SERPINA11: variants seen among roughly 807,000 people sequenced by gnomAD.
SERPINA11 encodes the protein serpin family A member 11, also known as serpin A11.
In SERPINA11, 28 loss-of-function variants were observed where a neutral mutation model predicts 29.4. That is an observed-to-expected ratio of 0.95 (90% CI 0.70 to 1.30). The LOEUF is 1.30. Among genes scored for constraint, SERPINA11 ranks in the 50% most tolerant of loss-of-function variants. SERPINA11 has a pLI of 0.00. For synonymous variants in SERPINA11, 253 were observed against 206.6 expected (o/e 1.22, Z -1.92); for missense variants, 530 against 507.3 (o/e 1.04, Z -0.43).
In SERPINA11 at chr14:94,446,687, T is replaced by A. The variant is rs1483003143; in HGVS notation, c.644-83A>T. 3.6e-6 allele frequency: 5 copies of A among 1,392,816 alleles called. No homozygotes were observed. In the African/African-American group the frequency reaches 5.8e-5, roughly 16 times the overall value. The allele number at this position is 1,392,816 out of a possible 1,614,324, so 86.3% of individuals were successfully genotyped here. A position where few individuals can be genotyped will look rare whatever the true frequency, so the allele number is the denominator to read the frequency against. ...TAGACACACACAAAACCACAGTTCC[T>A]CTTGGCTATGCAAGTATGTGGCAAA... is the stretch of plus-strand genomic sequence containing the variant. On this transcript the variant is annotated intron_variant, in intron 2 of 4. Transcript: ENST00000334708.
Position 94,442,559 on chromosome 14 carries a change from T to C in SERPINA11, c.*47A>G, listed in dbSNP as rs775496374. ...GGATGCAGGCTGGTTCTGGCCTATC[T>C]GTTTGGTCCAGGATGAGATAAGATA... is the stretch of plus-strand genomic sequence containing the variant. On this transcript the variant is annotated 3_prime_UTR_variant, in exon 5 of 5. Coordinates refer to ENST00000334708, the MANE Select transcript of SERPINA11 (RefSeq NM_001080451.2). The C allele has an allele frequency of 1.4e-6, 2 of 1,422,596 alleles. No individual in the cohort carries two copies. The highest frequency in any genetic ancestry group is 2.8e-5 in the African/African-American group (2 of 70,542). The allele number at this position is 1,422,596 out of a possible 1,614,324, so 88.1% of individuals were successfully genotyped here. A position where few individuals can be genotyped will look rare whatever the true frequency, so the allele number is the denominator to read the frequency against.
chr14:94,444,356 A>G (rs999139524), intron 3 of SERPINA11, among the ~76,000 whole-genome samples: 3 of 151,604 alleles, frequency 2.0e-5, no homozygotes, highest in African/African-American at 7.3e-5. Context: ...TTATATCTAA[A>G]AGCCCCTAAA....
chr14:94,446,236 C>T (rs939454569), intron 3 of SERPINA11, 95 bp downstream of exon 3: 21 of 1,171,944 alleles, frequency 1.8e-5, no homozygotes, highest in African/African-American at 7.6e-5. Context: ...TGAGCCTAAT[C>T]GAGATGGATG....
chr14:94,450,921 A>T (rs989794349), intron 1 of SERPINA11, among the ~76,000 whole-genome samples: 2 of 152,014 alleles, frequency 1.3e-5, no homozygotes, highest in Admixed American at 1.3e-4. Flanking sequence ...CAGAAGACTC[A>T]TGACCACATT....
At chr14:94,450,623 T>C (rs1030566664) in intron 1 of SERPINA11, among the ~76,000 whole-genome samples, 2 of 152,236 alleles carry the variant, frequency 1.3e-5, no homozygotes, top group African/African-American at 2.4e-5. Flanking sequence ...TTGTTTAAGC[T>C]GCCTGGCATG....
intron 1 of SERPINA11, among the ~76,000 whole-genome samples, chr14:94,451,027 C>T (rs1046849885): frequency 2.0e-5 from 3 of 152,214 alleles, no homozygotes; most frequent in Non-Finnish European, 4.4e-5. Flanking sequence ...CCATTCATTG[C>T]GCAGCAGCTG....
chr14:94,450,296 G>T (rs1485159676), intron 1 of SERPINA11, among the ~76,000 whole-genome samples: 1 of 152,144 alleles, frequency 6.6e-6, no homozygotes, highest in Non-Finnish European at 1.5e-5. Context: ...TGGAAATAGG[G>T]TCATTGGAGA....
chr14:94,442,899 C>A, intron 4 of SERPINA11, 90 bp from the exon 5 acceptor site: 2 of 1,325,940 alleles, frequency 1.5e-6, no homozygotes, highest in Non-Finnish European at 2.1e-6. Context: ...TAGAAGGGAC[C>A]TAAGGAAGGG....
intron 1 of SERPINA11, among the ~76,000 whole-genome samples, chr14:94,451,214 T>TA (rs1209098739): frequency 7.2e-5 from 11 of 152,236 alleles, no homozygotes; most frequent in African/African-American, 2.7e-4. Flanking sequence ...CCTGGTGCCC[T>TA]AAGTAGCCTG....
At chr14:94,443,268 T>C (rs776156919) in intron 3 of SERPINA11, 43 bp from the exon 4 acceptor site, 9 of 1,587,042 alleles carry the variant, frequency 5.7e-6, no homozygotes, top group African/African-American at 1.3e-5. Flanking sequence ...CTCTTGTTAA[T>C]ATGTGCCACT....
chr14:94,448,537 T>C lies in SERPINA11; in HGVS notation c.238A>G (p.Ile80Val), dbSNP rs958506141. The C allele has an allele frequency of 8.7e-6, 14 of 1,614,158 alleles. No individual in the cohort carries two copies. In the South Asian group the frequency reaches 9.9e-5, roughly 11 times the overall value. The change falls in exon 2 of 5, where the codon ATC (isoleucine) becomes GTC (valine). Residue 80 changes from isoleucine to valine, a missense_variant. Ile to Val is a conservative substitution (Grantham distance 29). Coordinates refer to ENST00000334708, the MANE Select transcript of SERPINA11 (RefSeq NM_001080451.2). ...GAGAGCAGGGCCAGGGTGGTGGAGA[T>C]GCTCACTGGCGAGAAGAAGATGTTT... ...PGNIFFSPVS[I>V]STTLALLSLG... is the part of the protein sequence containing the mutation.
At chr14:94,449,079 G>A (rs953508537) in intron 1 of SERPINA11, among the ~76,000 whole-genome samples, 1 of 152,220 alleles carries the variant, frequency 6.6e-6, no homozygotes, top group African/African-American at 2.4e-5. Flanking sequence ...GGCCAGGCAT[G>A]TTGGCTCACA....
At chr14:94,444,180 A>G (rs1453388983) in intron 3 of SERPINA11, among the ~76,000 whole-genome samples, 1 of 152,144 alleles carries the variant, frequency 6.6e-6, no homozygotes, top group East Asian at 1.9e-4. Context: ...GGGGTGGAAT[A>G]GAGTCTAGTG....
At chr14:94,443,593 C>T (rs1485995207) in intron 3 of SERPINA11, among the ~76,000 whole-genome samples, 2 of 152,232 alleles carry the variant, frequency 1.3e-5, no homozygotes, top group East Asian at 1.9e-4. Flanking sequence ...TCAACATCTT[C>T]CCACTTCCGT....
intron 1 of SERPINA11, among the ~76,000 whole-genome samples, chr14:94,450,190 G>C (rs957547396): frequency 6.6e-6 from 1 of 152,150 alleles, no homozygotes; most frequent in African/African-American, 2.4e-5. Context: ...TTGCCTCAGG[G>C]CTGTGGGGAT....
At chr14:94,443,259 T>C (rs1487576568) in intron 3 of SERPINA11, 34 bp from the exon 4 acceptor site, 6 of 1,599,136 alleles carry the variant, frequency 3.8e-6, no homozygotes, top group Non-Finnish European at 4.3e-6. Context: ...AATGGTGCTC[T>C]CTTGTTAATA....
At chr14:94,449,482 TGTCTGTCTG>T (rs1566784771) in intron 1 of SERPINA11, among the ~76,000 whole-genome samples, 5 of 94,586 alleles carry the variant, frequency 5.3e-5, no homozygotes, top group Non-Finnish European at 9.0e-5. Context: ...TCTTTCTTTC[TGTCTGTCTG>T]TCTTTCTTTC....
intron 1 of SERPINA11, among the ~76,000 whole-genome samples, chr14:94,449,803 G>A (rs187945070): frequency 5.3e-5 from 8 of 152,228 alleles, no homozygotes; most frequent in Admixed American, 3.3e-4. Flanking sequence ...GACAAATTGA[G>A]AAGAACATGC....
At position 94,442,785 on chromosome 14, in the gene SERPINA11, T is replaced by C. The variant is rs768005710; in HGVS notation, c.1090A>G (p.Met364Val). 6.2e-7 allele frequency: 1 copy of C among 1,610,712 alleles called. No individual in the cohort carries two copies. Among genetic ancestry groups the C allele is most frequent in the Non-Finnish European group, 8.5e-7 (1 of 1,178,710 alleles). The change falls in exon 5 of 5, where the codon ATG becomes GTG. Residue 364 changes from methionine (M) to valine (V), a missense_variant. Met to Val is a conservative substitution (Grantham distance 21). Coordinates refer to ENST00000334708, the MANE Select transcript of SERPINA11 (RefSeq NM_001080451.2). ...SKVSHKAMVD[M>V]SEKGTEAGAA... ...CCGGCCTCGGTCCCCTTCTCACTCA[T>C]GTCCACCATCGCCTTGTGTGACACC...
Sources: allele counts gnomAD v4.1 joint callset (sites outside exome capture counted in the v4.1 genomes callset), GRCh38; gene constraint gnomAD v4.1.1; transcripts MANE v1.5; gene names NCBI Gene and HGNC (gene_info 2026-07-23, HGNC 2026-07-21).